PRKG1: variants seen among roughly 807,000 people sequenced by gnomAD.
The protein encoded by PRKG1 is cGMP-dependent protein kinase 1.
Under a neutral mutation model 88.1 loss-of-function variants are expected in PRKG1, and 35 were observed. The observed-to-expected ratio is 0.40, with a 90% CI of 0.30 to 0.53. The LOEUF is 0.53. PRKG1 is among the 20% of genes least tolerant of loss of function. The probability of loss-of-function intolerance (pLI) is 0.59; values close to 1 mark genes in which losing one functional copy is unlikely to be tolerated. For synonymous variants in PRKG1, 303 were observed against 292.5 expected, an observed-to-expected ratio of 1.04 and a Z score of -0.37; for missense variants, 540 against 839.8, an observed-to-expected ratio of 0.64 and a Z score of 4.41.
chr10:51,168,935 G>T (rs1010424358), intron 2 of PRKG1, among the ~76,000 whole-genome samples: 5 of 152,078 alleles, frequency 3.3e-5, no homozygotes, highest in South Asian at 2.1e-4. Flanking sequence ...CATTTTGTGG[G>T]TTCTGTTTGT....
At chr10:52,031,426 G>A (rs547846411) in intron 5 of PRKG1, among the ~76,000 whole-genome samples, 13 of 152,082 alleles carry the variant, frequency 8.5e-5, no homozygotes, top group Non-Finnish European at 1.9e-4. Context: ...AGATAATAAT[G>A]AGGTTTTTAC....
intron 4 of PRKG1, among the ~76,000 whole-genome samples, chr10:51,864,126 G>A (rs1294970479): frequency 6.6e-6 from 1 of 152,158 alleles, no homozygotes; most frequent in Non-Finnish European, 1.5e-5. Context: ...AGGTGGAAAT[G>A]TCTTCTGCAA....
intron 2 of PRKG1, among the ~76,000 whole-genome samples, chr10:51,205,136 T>C (rs1363575067): frequency 0.015 from 1,470 of 95,422 alleles, 157 homozygotes; most frequent in African/African-American, 0.067. Flanking sequence ...TCTTTTTTTT[T>C]TTTTTTTTTT....
At chr10:51,739,932 C>A (rs1042694975) in intron 3 of PRKG1, among the ~76,000 whole-genome samples, 1 of 152,186 alleles carries the variant, frequency 6.6e-6, no homozygotes, top group Non-Finnish European at 1.5e-5. Flanking sequence ...CGGAGCAAAA[C>A]CCTATCTCAA....
intron 3 of PRKG1, among the ~76,000 whole-genome samples, chr10:51,758,696 T>A (rs758485239): frequency 6.6e-6 from 1 of 152,156 alleles, no homozygotes; most frequent in African/African-American, 2.4e-5. Flanking sequence ...AAATTTATTA[T>A]ACTTTAAGTT....
At chr10:51,212,512 C>T (rs1435674022) in intron 2 of PRKG1, among the ~76,000 whole-genome samples, 1 of 152,088 alleles carries the variant, frequency 6.6e-6, no homozygotes, top group Admixed American at 6.5e-5. Flanking sequence ...AAGAAACCAC[C>T]ATCAGAGTGA....
chr10:51,210,129 T>C (rs1251233146), intron 2 of PRKG1, among the ~76,000 whole-genome samples: 1 of 152,088 alleles, frequency 6.6e-6, no homozygotes. Flanking sequence ...CAGACCACAG[T>C]GCAATCAAAC....
intron 5 of PRKG1, among the ~76,000 whole-genome samples, chr10:51,951,998 C>A (rs575443424): frequency 6.7e-4 from 102 of 152,240 alleles, no homozygotes; most frequent in African/African-American, 2.3e-3. Flanking sequence ...CCTTGCCATA[C>A]CCATTTGTTA....
intron 2 of PRKG1, among the ~76,000 whole-genome samples, chr10:51,260,584 T>C (rs1839680634): frequency 6.6e-6 from 1 of 152,152 alleles, no homozygotes; most frequent in Non-Finnish European, 1.5e-5. Context: ...CCTGCAAAAA[T>C]GCTTGTGGTG....
chr10:51,194,497 G>A (rs1201468782), intron 2 of PRKG1, among the ~76,000 whole-genome samples: 1 of 151,900 alleles, frequency 6.6e-6, no homozygotes, highest in East Asian at 1.9e-4. Flanking sequence ...ATTATCCTCT[G>A]TTGAATATTG....
At chr10:51,801,166 G>A (rs1057402664) in intron 3 of PRKG1, among the ~76,000 whole-genome samples, 9 of 151,988 alleles carry the variant, frequency 5.9e-5, no homozygotes, top group African/African-American at 2.2e-4. Context: ...TTCTGTAAAG[G>A]GCTGGATAGG....
At chr10:51,611,794 A>T (rs1294968255) in intron 3 of PRKG1, among the ~76,000 whole-genome samples, 3 of 152,084 alleles carry the variant, frequency 2.0e-5, no homozygotes, top group Non-Finnish European at 4.4e-5. Context: ...TCTTTAAATC[A>T]TCTTGAGTTG....
intron 9 of PRKG1, among the ~76,000 whole-genome samples, chr10:52,214,659 A>G (rs930714680): frequency 1.3e-5 from 2 of 152,196 alleles, no homozygotes; most frequent in African/African-American, 4.8e-5. Flanking sequence ...GCCCTATGAG[A>G]CTAGAGCATG....
intron 3 of PRKG1, among the ~76,000 whole-genome samples, chr10:51,770,441 C>CAAA (rs1838275076): frequency 1.3e-5 from 2 of 152,168 alleles, no homozygotes; most frequent in Admixed American, 1.3e-4. Context: ...AAGCTTAGCA[C>CAAA]TAGGTTCTCA....
At chr10:51,932,196 TG>T (rs1411023965) in intron 5 of PRKG1, among the ~76,000 whole-genome samples, 16 of 148,066 alleles carry the variant, frequency 1.1e-4, no homozygotes, top group African/African-American at 3.9e-4. Context: ...ATTGGTTTGG[TG>T]TTTTTTTTTT....
In PRKG1 at chr10:51,656,625, A is replaced by T. The variant is rs73341674; in HGVS notation, c.593-147960A>T. 8.3e-3 allele frequency among the ~76,000 whole-genome samples: 1,268 copies of T among 152,064 alleles called. 16 individuals are homozygous for T. The highest frequency in any genetic ancestry group is 0.029 in the African/African-American group (1,220 of 41,470). The stretch of plus-strand genomic sequence containing the variant: ...TATAATGGCCTCCTAACTCATGTTC[A>T]TTTGCCTACTCTCTCTTTAATTCAT... On this transcript the variant is annotated intron_variant, in intron 3 of 17. Coordinates refer to ENST00000373980, the MANE Select transcript of PRKG1 (RefSeq NM_006258.4).
intron 10 of PRKG1, among the ~76,000 whole-genome samples, chr10:52,258,611 A>G (rs1841361620): frequency 6.6e-6 from 1 of 152,064 alleles, no homozygotes; most frequent in African/African-American, 2.4e-5. Flanking sequence ...CTAGAAGCTT[A>G]ATAATGGGTA....
At chr10:52,171,914 T>A (rs965797696) in intron 9 of PRKG1, among the ~76,000 whole-genome samples, 2 of 147,440 alleles carry the variant, frequency 1.4e-5, no homozygotes, top group Admixed American at 1.3e-4. Context: ...GCCATTCTCC[T>A]GCCTCAGCCT....
At chr10:51,866,513 A>C (rs1259145030) in intron 4 of PRKG1, among the ~76,000 whole-genome samples, 1 of 152,126 alleles carries the variant, frequency 6.6e-6, no homozygotes, top group Admixed American at 6.5e-5. Context: ...TCTGTAATAG[A>C]AAGCTTAAAA....
Sources: gnomAD v4.1 joint callset for allele counts (sites outside exome capture counted in the v4.1 genomes callset) on GRCh38, gnomAD v4.1.1 for gene constraint, MANE v1.5 for transcripts, NCBI Gene and HGNC (gene_info 2026-07-23, HGNC 2026-07-21) for gene names.